Variants in TLK1 observed in about 807,000 individuals in gnomAD.
TLK1 encodes serine/threonine-protein kinase tousled-like 1.
A neutral mutation model predicts 105.3 loss-of-function variants in TLK1; 24 were observed. The observed-to-expected ratio is 0.23, with a 90% confidence interval of 0.17 to 0.32. TLK1 has a LOEUF of 0.32. Among genes scored for constraint, TLK1 ranks in the 10% least tolerant of loss-of-function variants. The pLI, the probability that TLK1 is intolerant of heterozygous loss-of-function variation, is 1.00. For synonymous variants in TLK1, 321 were observed against 310.4 expected (o/e 1.03, Z -0.36); for missense variants, 558 against 910.5 (o/e 0.61, Z 4.98).
chr2:171,161,069 G>A (rs937544771), upstream of TLK1, among the ~76,000 whole-genome samples: 5 of 148,494 alleles, frequency 3.4e-5, no homozygotes, highest in African/African-American at 1.2e-4. Flanking sequence ...GAGCGAGCGC[G>A]CGAGGGAAGA....
Position 170,993,555 on chromosome 2 carries a change from T to G in TLK1, c.*225A>C. 2.6e-6 allele frequency: 1 copy of G among 384,618 alleles called. No homozygotes were observed. Among genetic ancestry groups the G allele is most frequent in the Non-Finnish European group, 4.5e-6 (1 of 222,358 alleles). The allele number at this position is 384,618 out of a possible 1,614,324, so 23.8% of individuals were successfully genotyped here. ...TAACAGGCAGTCATCCTTCCTTCAC[T>G]GCTCAAAATTATAGTCAGAAGTGTG... On this transcript the variant is annotated 3_prime_UTR_variant, in exon 21 of 21. Transcript: ENST00000431350.
At chr2:171,154,219 C>T (rs1692149999) in intron 1 of TLK1, among the ~76,000 whole-genome samples, 1 of 152,010 alleles carries the variant, frequency 6.6e-6, no homozygotes, top group Admixed American at 6.6e-5. Flanking sequence ...CAAAATATAA[C>T]CTTGCAAAGG....
chr2:171,195,126 T>G (rs1460313305), intron 1 of TLK1, among the ~76,000 whole-genome samples: 1 of 152,152 alleles, frequency 6.6e-6, no homozygotes, highest in Non-Finnish European at 1.5e-5. Flanking sequence ...CCCTCAACCT[T>G]AAAGATGTGA....
intron 1 of TLK1, among the ~76,000 whole-genome samples, chr2:171,187,057 C>CAAAAAAAAAAAAAAAAAAAAAAAA (rs71013019): frequency 8.2e-4 from 28 of 34,030 alleles, no homozygotes; most frequent in African/African-American, 1.4e-3. Flanking sequence ...GACTCTGTCT[C>CAAAAAAAAAAAAAAAAAAAAAAAA]AAAAAAAAAA....
intron 10 of TLK1, among the ~76,000 whole-genome samples, chr2:171,047,149 A>G (rs545663159): frequency 6.6e-6 from 1 of 152,358 alleles, no homozygotes; most frequent in Admixed American, 6.5e-5. Context: ...CAATTTTGCA[A>G]ATAGCTCCCT....
chr2:171,154,548 T>C (rs1439786395), intron 1 of TLK1: 1 of 152,192 alleles, frequency 6.6e-6, no homozygotes, highest in Non-Finnish European at 1.5e-5. Context: ...CAAGATCCGG[T>C]TCAGCTCTGT....
chr2:171,043,074 T>C (rs1227325602), intron 11 of TLK1, among the ~76,000 whole-genome samples: 1 of 150,256 alleles, frequency 6.7e-6, no homozygotes, highest in African/African-American at 2.4e-5. Context: ...AAATGAAGAA[T>C]GGAGCAAACA....
At chr2:171,083,516 T>C (rs1036572748) in intron 2 of TLK1, among the ~76,000 whole-genome samples, 1 of 152,184 alleles carries the variant, frequency 6.6e-6, no homozygotes. Flanking sequence ...TCTTGTGCAC[T>C]TTTTTGTACC....
At chr2:171,202,987 A>G (rs1693432699) in intron 1 of TLK1, among the ~76,000 whole-genome samples, 1 of 152,020 alleles carries the variant, frequency 6.6e-6, no homozygotes, top group African/African-American at 2.4e-5. Context: ...GATGTAAACA[A>G]TGGATTCTCT....
At chr2:171,199,510 TAA>T (rs71013024) in intron 1 of TLK1, among the ~76,000 whole-genome samples, 1,947 of 147,334 alleles carry the variant, frequency 0.013, 32 homozygotes, top group African/African-American at 0.042. Flanking sequence ...GAGACCTGGT[TAA>T]AAAAAAAAAA....
intron 1 of TLK1, among the ~76,000 whole-genome samples, chr2:171,119,618 A>C (rs373733101): frequency 2.0e-5 from 3 of 152,272 alleles, no homozygotes; most frequent in East Asian, 3.8e-4. Context: ...ACTGGCATAA[A>C]GACAGACATA....
intron 1 of TLK1, among the ~76,000 whole-genome samples, chr2:171,183,467 A>G (rs1692964855): frequency 6.6e-6 from 1 of 152,070 alleles, no homozygotes. Flanking sequence ...TTTCTTTTCT[A>G]AATCATCTGT....
At chr2:171,034,676 A>C (rs1451800192) in intron 11 of TLK1, among the ~76,000 whole-genome samples, 2 of 152,200 alleles carry the variant, frequency 1.3e-5, no homozygotes, top group Non-Finnish European at 2.9e-5. Context: ...GGTACATAAC[A>C]CTGTGAATGG....
At chr2:171,061,367 A>G (rs532925973) in intron 3 of TLK1, among the ~76,000 whole-genome samples, 2 of 152,346 alleles carry the variant, frequency 1.3e-5, no homozygotes, top group South Asian at 2.1e-4. Flanking sequence ...GACCTTGTAC[A>G]TATTATCTGA....
At chr2:171,189,311 C>T (rs1193453950) in intron 1 of TLK1, among the ~76,000 whole-genome samples, 4 of 151,930 alleles carry the variant, frequency 2.6e-5, no homozygotes, top group East Asian at 1.9e-4. Flanking sequence ...GGATTACAGG[C>T]GCCCACCACC....
chr2:171,215,376 C>G (rs1229834153), intron 1 of TLK1, among the ~76,000 whole-genome samples: 2 of 152,180 alleles, frequency 1.3e-5, no homozygotes, highest in Non-Finnish European at 2.9e-5. Context: ...ACAGAGTGCT[C>G]TTCTCCAAGT....
intron 8 of TLK1, among the ~76,000 whole-genome samples, chr2:171,053,451 C>T (rs1646188006): frequency 1.3e-5 from 2 of 152,070 alleles, no homozygotes; most frequent in African/African-American, 2.4e-5. Flanking sequence ...CAATCTCCAC[C>T]TCCCGGGTTC....
intron 3 of TLK1, among the ~76,000 whole-genome samples, chr2:171,062,906 T>C (rs993778886): frequency 6.6e-6 from 1 of 152,148 alleles, no homozygotes; most frequent in Non-Finnish European, 1.5e-5. Context: ...ACTCAGGAGG[T>C]AGACTGATGT....
intron 4 of TLK1, among the ~76,000 whole-genome samples, chr2:171,059,180 T>TA (rs1451697167): frequency 1.3e-5 from 2 of 152,192 alleles, no homozygotes; most frequent in African/African-American, 4.8e-5. Flanking sequence ...GAGATGACTG[T>TA]AAAGGTCTTA....
Sources: gnomAD v4.1 joint callset for allele counts (sites outside exome capture counted in the v4.1 genomes callset) on GRCh38, gnomAD v4.1.1 for gene constraint, MANE v1.5 for transcripts, NCBI Gene and HGNC (gene_info 2026-07-23, HGNC 2026-07-21) for gene names.